Variants in CHMP5 observed in about 807,000 individuals in gnomAD.
The protein encoded by CHMP5 is SNF7 domain containing 2.
A neutral mutation model predicts 33.0 loss-of-function variants in CHMP5; 17 were observed. The observed-to-expected ratio is 0.52, with a 90% CI of 0.35 to 0.77. CHMP5 has a LOEUF of 0.77. Among genes scored for constraint, CHMP5 ranks in the 30% least tolerant of loss-of-function variants. CHMP5 has a pLI of 0.01. For synonymous variants in CHMP5, 76 were observed against 90.2 expected, an observed-to-expected ratio of 0.84 and a Z score of 0.89; for missense variants, 216 against 261.5, an observed-to-expected ratio of 0.83 and a Z score of 1.20.
chr9:33,276,595 G>A lies in CHMP5; in HGVS notation c.496+31G>A, dbSNP rs1020493750. The A allele has an allele frequency of 2.4e-6, 3 of 1,255,814 alleles. No individual in the cohort carries two copies. In the Admixed American group the frequency reaches 5.7e-5, roughly 24 times the overall value. The allele number at this position is 1,255,814 out of a possible 1,614,324, so 77.8% of individuals were successfully genotyped here. On this transcript the variant is annotated intron_variant, in intron 6 of 7. Coordinates refer to ENST00000223500, the MANE Select transcript of CHMP5 (RefSeq NM_016410.6). Reference sequence around the variant, plus strand: ...TTATGAGAAAAGTAATGTATATTTAGTTTTGGAGTCCAAAAGCAACAGCTG... The same window carrying A: ...TTATGAGAAAAGTAATGTATATTTAATTTTGGAGTCCAAAAGCAACAGCTG...
chr9:33,270,498 C>A, intron 3 of CHMP5, 125 bp from the exon 4 acceptor site: 1 of 715,338 alleles, frequency 1.4e-6, no homozygotes, highest in East Asian at 2.7e-5. Flanking sequence ...TGCGTGATAC[C>A]TAATTTTTAA....
chr9:33,265,461 C>T (rs1820702241), intron 1 of CHMP5, among the ~76,000 whole-genome samples: 1 of 152,136 alleles, frequency 6.6e-6, no homozygotes, highest in Admixed American at 6.5e-5. Flanking sequence ...ACACCCTTCC[C>T]ACCTCATCCT....
chr9:33,270,157 C>T (rs1185634338), intron 3 of CHMP5, among the ~76,000 whole-genome samples: 1 of 152,054 alleles, frequency 6.6e-6, no homozygotes, highest in Non-Finnish European at 1.5e-5. Context: ...TTTACTGTAC[C>T]TTTTCTATAG....
At chr9:33,275,148 G>A (rs1820838020) in intron 5 of CHMP5, among the ~76,000 whole-genome samples, 1 of 152,160 alleles carries the variant, frequency 6.6e-6, no homozygotes. Flanking sequence ...TCACTTATAT[G>A]CAGATATTTT....
At position 33,276,515 on chromosome 9, in the gene CHMP5, G is replaced by A; in HGVS notation, c.447G>A (p.Leu149=). 1 of 1,612,332 alleles carries A rather than the reference G, an allele frequency of 6.2e-7. No individual in the cohort carries two copies. The highest frequency in any genetic ancestry group is 1.1e-5 in the South Asian group (1 of 90,874). The change falls in exon 6 of 8, where the codon CTG becomes CTA. Residue 149 remains leucine (L), a synonymous_variant. Coordinates refer to ENST00000223500, the MANE Select transcript of CHMP5 (RefSeq NM_016410.6). The stretch of plus-strand genomic sequence containing the variant: ...ATGCAAATGAAATCCAAGAAGCACT[G>A]AGTCGCAGTTATGGCACCCCAGAAC... ...MEDANEIQEA[L]SRSYGTPELD...
intron 5 of CHMP5, among the ~76,000 whole-genome samples, chr9:33,274,272 C>T (rs2118036565): frequency 6.6e-6 from 1 of 152,094 alleles, no homozygotes; most frequent in South Asian, 2.1e-4. Context: ...TGAGGTTTTG[C>T]CATGTTCCCC....
At chr9:33,268,825 A>G (rs1820759106) in intron 3 of CHMP5, among the ~76,000 whole-genome samples, 1 of 152,180 alleles carries the variant, frequency 6.6e-6, no homozygotes. Flanking sequence ...TTAAAATGCT[A>G]ATTTCTTCCA....
intron 5 of CHMP5, among the ~76,000 whole-genome samples, 193 bp downstream of exon 5, chr9:33,271,416 T>A (rs1166584879): frequency 1.3e-5 from 2 of 152,208 alleles, no homozygotes; most frequent in Non-Finnish European, 2.9e-5. Flanking sequence ...CACATACAGT[T>A]ACAGACAGTC....
At chr9:33,268,586 A>G (rs976802593) in intron 3 of CHMP5, among the ~76,000 whole-genome samples, 1 of 152,230 alleles carries the variant, frequency 6.6e-6, no homozygotes, top group Non-Finnish European at 1.5e-5. Context: ...ACCAGATGCC[A>G]TCTTCCTCCT....
At position 33,265,108 on chromosome 9, in the gene CHMP5, C is replaced by G. The variant is rs1346769741; in HGVS notation, c.30C>G (p.Pro10=). 1 of 1,614,204 alleles carries G rather than the reference C, an allele frequency of 6.2e-7. No homozygotes were observed. The highest frequency in any genetic ancestry group is 1.1e-5 in the South Asian group (1 of 91,080). The stretch of plus-strand genomic sequence containing the variant: ...ACCGACTCTTCGGGAAAGCGAAACC[C>G]AAGGCTCCGCCGCCCAGCCTGACTG... MNRLFGKAK[P]KAPPPSLTDC... is the part of the protein sequence containing the mutation. The change falls in exon 1 of 8, where the codon CCC becomes CCG. Residue 10 remains proline (P), a synonymous_variant. Coordinates refer to ENST00000223500, the MANE Select transcript of CHMP5 (RefSeq NM_016410.6).
At chr9:33,278,357 C>A in intron 7 of CHMP5, 132 bp downstream of exon 7, 1 of 599,434 alleles carries the variant, frequency 1.7e-6, no homozygotes, top group South Asian at 2.1e-5. Flanking sequence ...ATTTTGTGAA[C>A]CCTTGAAGGT....
At position 33,280,959 on chromosome 9, in the gene CHMP5, C is replaced by T; in HGVS notation, c.*100C>T. 1 of 965,750 alleles carries T rather than the reference C, an allele frequency of 1.0e-6. No individual in the cohort carries two copies. The highest frequency in any genetic ancestry group is 1.9e-5 in the South Asian group (1 of 52,934). The allele number at this position is 965,750 out of a possible 1,614,324, so 59.8% of individuals were successfully genotyped here. On this transcript the variant is annotated 3_prime_UTR_variant, in exon 8 of 8. Coordinates refer to ENST00000223500, the MANE Select transcript of CHMP5 (RefSeq NM_016410.6). Reference sequence around the variant, plus strand: ...TGCCATAACAGATTTAGGTTTCTTTCCTTTCTTTGAAGGAAAGTTTAATTA... The same window carrying T: ...TGCCATAACAGATTTAGGTTTCTTTTCTTTCTTTGAAGGAAAGTTTAATTA...
chr9:33,272,867 C>A (rs1820811503), intron 5 of CHMP5, among the ~76,000 whole-genome samples: 1 of 152,080 alleles, frequency 6.6e-6, no homozygotes, highest in Non-Finnish European at 1.5e-5. Flanking sequence ...TCTTAGGTTG[C>A]CTTTGTCTGT....
intron 5 of CHMP5, among the ~76,000 whole-genome samples, chr9:33,274,331 C>T (rs897537603): frequency 1.3e-5 from 2 of 152,160 alleles, no homozygotes; most frequent in African/African-American, 4.8e-5. Context: ...TCTTTTGCCT[C>T]CCAGAGTGCT....
intron 3 of CHMP5, 129 bp downstream of exon 3, chr9:33,268,028 A>G: frequency 1.5e-6 from 1 of 687,704 alleles, no homozygotes; most frequent in Non-Finnish European, 2.5e-6. Flanking sequence ...TTGACGTGTA[A>G]TTAAATACAG....
rs1200107344 is a variant in CHMP5, at chr9:33,280,907, A to G, written c.*48A>G. 1 of 1,464,592 alleles carries G rather than the reference A, an allele frequency of 6.8e-7. No individual in the cohort carries two copies. The highest frequency in any genetic ancestry group is 1.4e-5 in the African/African-American group (1 of 70,690). 90.7% of individuals were successfully genotyped at this position (1,464,592 alleles called of 1,614,324 possible). A position where few individuals can be genotyped will look rare whatever the true frequency, so the allele number is the denominator to read the frequency against. ...TTGTAAAACAAACACATATTATGGG[A>G]CTAGGAAATATTTATCTTTCCAAAT... On this transcript the variant is annotated 3_prime_UTR_variant, in exon 8 of 8. Transcript: ENST00000223500.
chr9:33,276,514 T>G lies in CHMP5; in HGVS notation c.446T>G (p.Leu149Arg). 1 of 1,612,160 alleles carries G rather than the reference T, an allele frequency of 6.2e-7. No homozygotes were observed. Residue 149 changes from leucine to arginine, a missense_variant, in exon 6 of 8, where the codon CTG (leucine) becomes CGG (arginine). Leu to Arg is a moderately radical substitution (Grantham distance 102). Coordinates refer to ENST00000223500, the MANE Select transcript of CHMP5 (RefSeq NM_016410.6). ...GATGCAAATGAAATCCAAGAAGCAC[T>G]GAGTCGCAGTTATGGCACCCCAGAA... The part of the protein sequence containing the change: ...MEDANEIQEA[L>R]SRSYGTPELD...
chr9:33,272,906 A>G (rs150953148), intron 5 of CHMP5, among the ~76,000 whole-genome samples: 1,560 of 152,192 alleles, frequency 0.01, 30 homozygotes, highest in African/African-American at 0.035. Context: ...GTTTGCATAC[A>G]TGGAATTAAA....
intron 1 of CHMP5, 112 bp from the exon 2 acceptor site, chr9:33,265,898 C>A: frequency 1.6e-6 from 1 of 612,418 alleles, no homozygotes; most frequent in East Asian, 3.1e-5. Context: ...CTGTTTTTCA[C>A]CCTTCCCCTT....
Sources: allele counts gnomAD v4.1 joint callset (sites outside exome capture counted in the v4.1 genomes callset), GRCh38; gene constraint gnomAD v4.1.1; transcripts MANE v1.5; gene names NCBI Gene and HGNC (gene_info 2026-07-23, HGNC 2026-07-21).